The following SGIP1 variants were observed in gnomAD, a reference collection of about 807,000 sequenced individuals.
The protein encoded by SGIP1 is SH3GL interacting endocytic adaptor 1, also known as SH3-containing GRB2-like protein 3-interacting protein 1.
SGIP1 carries 38 observed loss-of-function variants against 107.5 expected under a neutral mutation model. The observed-to-expected ratio is 0.35, with a 90% CI of 0.27 to 0.46. The LOEUF is 0.46. Ranked by LOEUF, SGIP1 falls within the 20% of genes least tolerant of loss-of-function variation. The probability of loss-of-function intolerance (pLI) is 1.00; values close to 1 mark genes in which losing one functional copy is unlikely to be tolerated. For synonymous variants in SGIP1, 365 were observed against 366.1 expected (o/e 1.00, Z 0.03); for missense variants, 929 against 1,019.5 (o/e 0.91, Z 1.21).
rs1168676884 is a variant in SGIP1 at position 66,744,032 on chromosome 1, A to G, written c.*937A>G. On this transcript the variant is annotated 3_prime_UTR_variant, in exon 25 of 25. Coordinates refer to ENST00000371037, the MANE Select transcript of SGIP1 (RefSeq NM_032291.4). ...ATTTTTGCTTAGTTACTCTGAATAGATGATCTTACTCATCCAGTATGGGGG... is the reference window on the plus strand; with the variant it reads ...ATTTTTGCTTAGTTACTCTGAATAGGTGATCTTACTCATCCAGTATGGGGG... 1.3e-5 allele frequency: 2 copies of G among 152,272 alleles called. No homozygotes were observed. Among genetic ancestry groups the G allele is most frequent in the South Asian group, 2.1e-4 (1 of 4,830 alleles). 9.4% of individuals were successfully genotyped at this position (152,272 alleles called of 1,614,324 possible).
chr1:66,615,223 C>T (rs958145047), intron 1 of SGIP1, among the ~76,000 whole-genome samples: 34 of 152,284 alleles, frequency 2.2e-4, no homozygotes, highest in African/African-American at 7.9e-4. Context: ...CAACCTCTGT[C>T]TCCCAGTTTC....
intron 9 of SGIP1, among the ~76,000 whole-genome samples, chr1:66,669,243 A>G (rs181043954): frequency 2.4e-4 from 36 of 152,364 alleles, no homozygotes; most frequent in Non-Finnish European, 4.4e-5. Context: ...GTGCCTTTCA[A>G]CTGTGAATAT....
intron 12 of SGIP1, among the ~76,000 whole-genome samples, chr1:66,674,141 C>A (rs897031394): frequency 2.0e-5 from 3 of 151,726 alleles, no homozygotes; most frequent in Non-Finnish European, 4.4e-5. Flanking sequence ...GCACTCCAGC[C>A]CGAGCAGCAC....
intron 8 of SGIP1, chr1:66,666,742 T>A (rs188763633): frequency 1.3e-5 from 2 of 152,410 alleles, no homozygotes; most frequent in African/African-American, 2.4e-5. Context: ...CAATTGTGAA[T>A]GGGAGTTCAC....
In SGIP1 at chr1:66,743,041, A is replaced by T. The variant is rs547528660; in HGVS notation, c.2465-32A>T. On this transcript the variant is annotated intron_variant, in intron 24 of 24. Transcript: ENST00000371037. ...AATAATTACATTATTGAACTACCAG[A>T]TAACCTGTTGACATGCTGTTTTGTT... The T allele has an allele frequency of 2.4e-5, 39 of 1,613,086 alleles. No individual in the cohort carries two copies. In the South Asian group the frequency reaches 4.2e-4, roughly 17 times the overall value.
rs1447364426 is a variant in SGIP1 at position 66,749,949 on chromosome 1, G to A, written c.*6854G>A. Among the ~76,000 whole-genome samples, 1 of 151,572 alleles carries A rather than the reference G, an allele frequency of 6.6e-6. No homozygotes were observed. Among genetic ancestry groups the A allele is most frequent in the Non-Finnish European group, 1.5e-5 (1 of 67,864 alleles). On this transcript the variant is annotated 3_prime_UTR_variant, in exon 25 of 25. Coordinates refer to ENST00000371037, the MANE Select transcript of SGIP1 (RefSeq NM_032291.4). ...CAGGTCAGAATTTAGTTCTTGCTTT[G>A]TTAAATGGACATACATGAAAGAGAT...
At chr1:66,546,809 C>T (rs2056486779) in intron 1 of SGIP1, among the ~76,000 whole-genome samples, 1 of 152,102 alleles carries the variant, frequency 6.6e-6, no homozygotes, top group Non-Finnish European at 1.5e-5. Flanking sequence ...CTCCTGGCAC[C>T]TTTCTTTATT....
At chr1:66,651,053 G>T (rs79082555) in intron 7 of SGIP1, among the ~76,000 whole-genome samples, 3 of 152,170 alleles carry the variant, frequency 2.0e-5, no homozygotes, top group Admixed American at 6.5e-5. Flanking sequence ...TAGGATATTT[G>T]TAAGAATTAA....
At chr1:66,739,630 A>T in intron 22 of SGIP1, 93 bp downstream of exon 22, 4 of 1,319,044 alleles carry the variant, frequency 3.0e-6, no homozygotes, top group Non-Finnish European at 4.3e-6. Context: ...GGAGGAGATG[A>T]CAGCAGGCCT....
At chr1:66,587,524 C>T (rs959375673) in intron 1 of SGIP1, among the ~76,000 whole-genome samples, 1 of 151,846 alleles carries the variant, frequency 6.6e-6, no homozygotes, top group African/African-American at 2.4e-5. Context: ...TAATCCAATC[C>T]CTGCAGTGTT....
At chr1:66,691,083 A>T (rs74526981) in intron 17 of SGIP1, among the ~76,000 whole-genome samples, 1 of 151,966 alleles carries the variant, frequency 6.6e-6, no homozygotes, top group African/African-American at 2.4e-5. Flanking sequence ...TCATTTTTGC[A>T]TGGTGTCTCC....
intron 1 of SGIP1, among the ~76,000 whole-genome samples, chr1:66,538,463 G>T (rs574746116): frequency 6.6e-6 from 1 of 152,006 alleles, no homozygotes; most frequent in Non-Finnish European, 1.5e-5. Context: ...AATGTCAGGG[G>T]TCATCTTTAT....
At chr1:66,626,284 A>G (rs915148544) in intron 2 of SGIP1, among the ~76,000 whole-genome samples, 2 of 151,856 alleles carry the variant, frequency 1.3e-5, no homozygotes, top group African/African-American at 4.8e-5. Flanking sequence ...AAACAACAAA[A>G]CACCTGTTTG....
intron 17 of SGIP1, among the ~76,000 whole-genome samples, chr1:66,693,818 A>G (rs181457982): frequency 6.6e-6 from 1 of 152,342 alleles, no homozygotes; most frequent in Admixed American, 6.5e-5. Flanking sequence ...CCATAGACAA[A>G]GATGAAATTA....
chr1:66,667,642 T>C, intron 9 of SGIP1, 101 bp downstream of exon 9: 1 of 998,678 alleles, frequency 1.0e-6, no homozygotes, highest in Non-Finnish European at 1.6e-6. Context: ...GATAACCCAG[T>C]GTGAATGAGG....
chr1:66,674,586 A>G (rs1484388654), intron 12 of SGIP1, among the ~76,000 whole-genome samples: 1 of 152,234 alleles, frequency 6.6e-6, no homozygotes, highest in East Asian at 1.9e-4. Context: ...AGTACAATAA[A>G]TTAAACAAGA....
chr1:66,699,968 C>G (rs1223410934), intron 18 of SGIP1, among the ~76,000 whole-genome samples: 4 of 151,902 alleles, frequency 2.6e-5, no homozygotes, highest in Non-Finnish European at 5.9e-5. Context: ...GAGTATTTAC[C>G]ATGTGTAAAG....
intron 13 of SGIP1, among the ~76,000 whole-genome samples, chr1:66,677,978 A>G (rs2085775259): frequency 6.6e-6 from 1 of 152,238 alleles, no homozygotes; most frequent in South Asian, 2.1e-4. Context: ...ATTCATAATC[A>G]AAGGCCAAGA....
In SGIP1 at chr1:66,719,402, G is replaced by T; in HGVS notation, c.1739G>T (p.Ser580Ile). 6.2e-7 allele frequency: 1 copy of T among 1,611,672 alleles called. No individual in the cohort carries two copies. Among genetic ancestry groups the T allele is most frequent in the Non-Finnish European group, 8.5e-7 (1 of 1,178,272 alleles). ...GCCTATTTCAAAGGAGCAGACCCAA[G>T]CAAGTAAGCCTGATACTTGGTCCAT... ...VNAYFKGADPSKCIVKITGEM... is the reference protein window; with the variant it reads ...VNAYFKGADPIKCIVKITGEM... Residue 580 changes from serine to isoleucine, a missense_variant, in exon 19 of 25, where the codon AGC becomes ATC. Ser to Ile is a moderately radical substitution (Grantham distance 142, BLOSUM62 -2). Coordinates refer to ENST00000371037, the MANE Select transcript of SGIP1 (RefSeq NM_032291.4).
Sources: gnomAD v4.1 joint callset for allele counts (sites outside exome capture counted in the v4.1 genomes callset) on GRCh38, gnomAD v4.1.1 for gene constraint, MANE v1.5 for transcripts, NCBI Gene and HGNC (gene_info 2026-07-23, HGNC 2026-07-21) for gene names.